The following NF2 variants were observed in gnomAD, a reference collection of about 807,000 sequenced individuals.
NF2 encodes the protein merlin.
A neutral mutation model predicts 83.7 loss-of-function variants in NF2; 8 were observed. The observed-to-expected ratio is 0.10, with a 90% CI of 0.06 to 0.17. The LOEUF (loss-of-function observed/expected upper bound fraction) is 0.17, where lower values mean the gene tolerates loss of function less well. NF2 is among the 10% of genes least tolerant of loss of function. NF2 has a pLI of 1.00. For missense variants in NF2, 533 were observed against 744.4 expected (o/e 0.72, Z 3.31); for synonymous variants, 266 against 269.6 (o/e 0.99, Z 0.13).
intron 10 of NF2, among the ~76,000 whole-genome samples, chr22:29,671,468 G>T (rs370396873): frequency 1.3e-5 from 2 of 152,282 alleles, no homozygotes. Context: ...GGCGGAGGTT[G>T]CAGTGAGCCG....
intron 14 of NF2, among the ~76,000 whole-genome samples, chr22:29,680,796 C>T (rs983895469): frequency 5.3e-4 from 80 of 152,162 alleles, no homozygotes; most frequent in African/African-American, 1.7e-3. Context: ...TGCCTATAAT[C>T]CCAGCCCTTT....
rs757074151 is a variant in NF2, at chr22:29,665,036, A to G, written c.857A>G (p.Asn286Ser). The change falls in exon 9 of 16, where the codon AAC becomes AGC. Residue 286 changes from asparagine to serine, a missense_variant. Physicochemically the swap from Asn to Ser is conservative, Grantham distance 46. Around this residue, in one of 3 missense-constraint regions of NF2, gnomAD observed 326 missense variants for 475.1 expected, o/e 0.69. Transcript: ENST00000338641. ...AAGAAAATTGATGTCTTCAAGTTTA[A>G]CTCCTCAAAGCTTCGTGTTAATAAG... is the stretch of plus-strand genomic sequence containing the variant. ...LDKKIDVFKF[N>S]SSKLRVNKLI... 1.2e-6 allele frequency: 2 copies of G among 1,613,774 alleles called. No individual in the cohort carries two copies. Among genetic ancestry groups the G allele is most frequent in the South Asian group, 2.2e-5 (2 of 91,042 alleles).
chr22:29,606,266 T>G (rs1454896570), intron 1 of NF2, among the ~76,000 whole-genome samples: 1 of 152,190 alleles, frequency 6.6e-6, no homozygotes, highest in Non-Finnish European at 1.5e-5. Context: ...AAGTTGGAGC[T>G]CCCTTCTTCC....
chr22:29,661,533 A>G (rs2147014381), intron 8 of NF2, among the ~76,000 whole-genome samples, 194 bp downstream of exon 8: 1 of 152,380 alleles, frequency 6.6e-6, no homozygotes, highest in Non-Finnish European at 1.5e-5. Context: ...TATGACTAAT[A>G]GGAAACTGGG....
chr22:29,632,623 G>A (rs749198705), intron 1 of NF2, among the ~76,000 whole-genome samples: 6 of 152,298 alleles, frequency 3.9e-5, no homozygotes, highest in Admixed American at 1.3e-4. Flanking sequence ...CACAATGTGT[G>A]TGTTCACTAA....
intron 8 of NF2, among the ~76,000 whole-genome samples, chr22:29,661,810 A>T (rs1399830081): frequency 1.3e-5 from 2 of 152,118 alleles, no homozygotes; most frequent in African/African-American, 2.4e-5. Flanking sequence ...TGTGGTCTTT[A>T]TTGAGCTTTC....
intron 1 of NF2, among the ~76,000 whole-genome samples, chr22:29,610,614 A>C (rs2064926291): frequency 6.6e-6 from 1 of 151,450 alleles, no homozygotes; most frequent in African/African-American, 2.4e-5. Flanking sequence ...ACTGCACTCC[A>C]GCCTGGGTGA....
intron 10 of NF2, among the ~76,000 whole-genome samples, chr22:29,668,925 C>T (rs552363229): frequency 6.6e-6 from 1 of 152,318 alleles, no homozygotes; most frequent in Non-Finnish European, 1.5e-5. Flanking sequence ...TGTCACCTGC[C>T]CCAGGAGGTG....
rs934813817 is a variant in NF2, at chr22:29,683,580, T to C, written c.1737+1979T>C. 2.7e-6 allele frequency: 3 copies of C among 1,106,264 alleles called. No homozygotes were observed. The African/African-American group carries it at 4.8e-5, about 18-fold the overall frequency. 68.5% of individuals were successfully genotyped at this position (1,106,264 alleles called of 1,614,324 possible). ...GCTGGCTCATTTTCCTTTAGAGCTT[T>C]CCCTTTCTGCACACATCCCTTTTCT... is the stretch of plus-strand genomic sequence containing the variant. On this transcript the variant is annotated intron_variant, in intron 15 of 15. Transcript: ENST00000338641.
At chr22:29,673,723 G>A (rs977395035) in intron 12 of NF2, among the ~76,000 whole-genome samples, 1 of 152,224 alleles carries the variant, frequency 6.6e-6, no homozygotes, top group Admixed American at 6.5e-5. Flanking sequence ...GGTCATACTT[G>A]TGTCTCTTTG....
intron 4 of NF2, 116 bp from the exon 5 acceptor site, chr22:29,654,541 C>A: frequency 1.2e-6 from 1 of 840,452 alleles, no homozygotes; most frequent in Non-Finnish European, 2.1e-6. Flanking sequence ...CTTGACTTGT[C>A]ATCGGAATTG....
Position 29,673,422 on chromosome 22 carries a change from A to T in NF2, c.1276A>T (p.Met426Leu), listed in dbSNP as rs926406926. 2 of 1,612,658 alleles carry T rather than the reference A, an allele frequency of 1.2e-6. No individual in the cohort carries two copies. Among genetic ancestry groups the T allele is most frequent in the Non-Finnish European group, 1.7e-6 (2 of 1,179,698 alleles). Residue 426 changes from methionine (M) to leucine (L), a missense_variant, in exon 12 of 16, where the codon ATG becomes TTG. Around this residue, in one of 3 missense-constraint regions of NF2, gnomAD observed 199 missense variants for 240.7 expected, o/e 0.83. Transcript: ENST00000338641. ...TCGCACGGAGGAGGAGAAGCGCCTG[A>T]TGGAGCAGAAGGTGCTGGAAGCCGA... ...AIRTEEEKRLMEQKVLEAEVL... is the reference protein window; with the variant it reads ...AIRTEEEKRLLEQKVLEAEVL...
chr22:29,663,718 C>T (rs1270468247), intron 8 of NF2, among the ~76,000 whole-genome samples: 1 of 152,206 alleles, frequency 6.6e-6, no homozygotes, highest in Non-Finnish European at 1.5e-5. Flanking sequence ...GTGTACTAAC[C>T]CCTTCTTGGG....
At chr22:29,627,860 T>C (rs746506214) in intron 1 of NF2, among the ~76,000 whole-genome samples, 13 of 152,210 alleles carry the variant, frequency 8.5e-5, no homozygotes, top group Non-Finnish European at 1.8e-4. Flanking sequence ...GTTTGAGATT[T>C]AGATTTCCTT....
In NF2 at chr22:29,660,723, C is replaced by T. The variant is rs570617180; in HGVS notation, c.676-482C>T. Among the ~76,000 whole-genome samples, 19 of 150,166 alleles carry T rather than the reference C, an allele frequency of 1.3e-4. No homozygotes were observed. The East Asian group carries it at 2.7e-3, about 22-fold the overall frequency. ...GATTACAGGCGCGTGCCACCATGCCCGGCTAATTTTTTTGTGTGTATTTTT... is the reference window on the plus strand; with the variant it reads ...GATTACAGGCGCGTGCCACCATGCCTGGCTAATTTTTTTGTGTGTATTTTT... On this transcript the variant is annotated intron_variant, in intron 7 of 15. Transcript: ENST00000338641.
intron 4 of NF2, among the ~76,000 whole-genome samples, chr22:29,644,263 C>CTGCAATCTCGGCACTTTGGGA (rs1481358539): frequency 6.8e-6 from 1 of 146,162 alleles, no homozygotes; most frequent in Non-Finnish European, 1.5e-5. Context: ...CGGGCAGAGG[C>CTGCAATCTCGGCACTTTGGGA]GCTCCTCACA....
At position 29,696,910 on chromosome 22, in the gene NF2, A is replaced by G. The variant is rs1032042416; in HGVS notation, c.*2108A>G. ...CAGCTCACTGCAACCTCCGCCTCCCAGGTACAAGAGATTCTCCTGCCTCAG... is the reference window on the plus strand; with the variant it reads ...CAGCTCACTGCAACCTCCGCCTCCCGGGTACAAGAGATTCTCCTGCCTCAG... On this transcript the variant is annotated 3_prime_UTR_variant, in exon 16 of 16. Transcript: ENST00000338641. 8.6e-5 allele frequency: 15 copies of G among 173,494 alleles called. No individual in the cohort carries two copies. The highest frequency in any genetic ancestry group is 4.2e-4 in the South Asian group (2 of 4,792). 10.7% of individuals were successfully genotyped at this position (173,494 alleles called of 1,614,324 possible).
chr22:29,613,294 C>A (rs2065000699), intron 1 of NF2, among the ~76,000 whole-genome samples: 1 of 152,092 alleles, frequency 6.6e-6, no homozygotes, highest in South Asian at 2.1e-4. Context: ...CTTTGGGAGG[C>A]CAAGGCAGGC....
chr22:29,604,242 C>G (rs2064724693), intron 1 of NF2, 130 bp downstream of exon 1: 1 of 745,862 alleles, frequency 1.3e-6, no homozygotes, highest in African/African-American at 1.7e-5. Flanking sequence ...CCCAAAACCT[C>G]ATGTTAAAGA....
Sources: gnomAD v4.1 joint callset for allele counts (sites outside exome capture counted in the v4.1 genomes callset) on GRCh38, gnomAD v4.1.1 for gene constraint, gnomAD v4.1.1 regional missense constraint, MANE v1.5 for transcripts, NCBI Gene and HGNC (gene_info 2026-07-23, HGNC 2026-07-21) for gene names.